The following ZNF469 variants were observed in gnomAD, a reference collection of about 807,000 sequenced individuals.
ZNF469 encodes the protein zinc finger protein 469.
Under a neutral mutation model 1.0 loss-of-function variants are expected in ZNF469, and 1 was observed. The observed-to-expected ratio is 1.00, with a 90% CI of 0.35 to 4.73. ZNF469 has a LOEUF of 4.73. Ranked by LOEUF, ZNF469 falls within the 30% of genes most tolerant of loss-of-function variation. The pLI, the probability that ZNF469 is intolerant of heterozygous loss-of-function variation, is 0.16. For synonymous variants in ZNF469, 2,703 were observed against 2,363.4 expected, an observed-to-expected ratio of 1.14 and a Z score of -4.17; for missense variants, 6,100 against 5,356.3, an observed-to-expected ratio of 1.14 and a Z score of -4.33.
the ZNF469 span, among the ~76,000 whole-genome samples, chr16:88,123,196 C>T: frequency 3.3e-5 from 5 of 152,160 alleles, no homozygotes; most frequent in Non-Finnish European, 5.9e-5. Context: ...TGCCCCAACC[C>T]GTCTGCTTTC....
At chr16:88,303,702 C>T in the ZNF469 span, among the ~76,000 whole-genome samples, 23 of 152,352 alleles carry the variant, frequency 1.5e-4, no homozygotes, top group East Asian at 4.2e-3. Context: ...AGCCATGAGC[C>T]TCTTACAGGC....
the ZNF469 span, chr16:88,194,410 A>C: frequency 6.6e-6 from 1 of 152,254 alleles, no homozygotes; most frequent in Non-Finnish European, 1.5e-5. Flanking sequence ...GTTTCTCTGC[A>C]CGCACCAGGC....
chr16:88,369,010 T>G, the ZNF469 span, among the ~76,000 whole-genome samples: 1 of 150,414 alleles, frequency 6.6e-6, no homozygotes, highest in Non-Finnish European at 1.5e-5. Context: ...ACCCAGGAGG[T>G]GGAGGTTGCA....
At chr16:88,395,399 A>G (rs919312049) in intron 1 of ZNF469, among the ~76,000 whole-genome samples, 1 of 139,222 alleles carries the variant, frequency 7.2e-6, no homozygotes, top group Admixed American at 6.9e-5. Context: ...GTAGGTAGGT[A>G]GATAGAAAGA....
the ZNF469 span, among the ~76,000 whole-genome samples, chr16:88,228,351 C>T: frequency 6.6e-6 from 1 of 152,228 alleles, no homozygotes; most frequent in Non-Finnish European, 1.5e-5. Context: ...CTGGCATGGG[C>T]GCTGGGTCTG....
In ZNF469 at chr16:88,439,293, T is replaced by C; in HGVS notation, c.11823T>C (p.Thr3941=). Residue 3941 remains threonine (T), a synonymous_variant, in exon 3 of 3, where the codon ACT becomes ACC. Transcript: ENST00000565624. ...GCCAGCTCTTCGGGCAGAGACTAAC[T>C]GGCTTCAAAATCCCTTTAAAGAAAG... ...LLSQLFGQRL[T]GFKIPLKKDA... 1 of 1,550,410 alleles carries C rather than the reference T, an allele frequency of 6.4e-7. No individual in the cohort carries two copies. The highest frequency in any genetic ancestry group is 8.7e-7 in the Non-Finnish European group (1 of 1,146,992).
the ZNF469 span, among the ~76,000 whole-genome samples, chr16:88,188,494 C>T: frequency 2.0e-5 from 3 of 152,156 alleles, no homozygotes; most frequent in African/African-American, 7.2e-5. Context: ...GGGCGAAGTG[C>T]AGCTCCTGGA....
At chr16:88,265,389 C>T in the ZNF469 span, among the ~76,000 whole-genome samples, 13 of 152,152 alleles carry the variant, frequency 8.5e-5, no homozygotes, top group Admixed American at 6.5e-4. Context: ...CCGAGGGCTG[C>T]GGGAGGTGCT....
intron 1 of ZNF469, among the ~76,000 whole-genome samples, chr16:88,395,683 C>T (rs1214064661): frequency 6.6e-6 from 1 of 152,094 alleles, no homozygotes; most frequent in Non-Finnish European, 1.5e-5. Flanking sequence ...CTAAATGCCT[C>T]ACTCAGGGCT....
the ZNF469 span, among the ~76,000 whole-genome samples, chr16:88,256,908 T>TCTCTCTCTCTCTCTCTCTCTC: frequency 3.9e-5 from 1 of 25,690 alleles, no homozygotes; most frequent in African/African-American, 1.6e-4. Flanking sequence ...CTTTCTTTCT[T>TCTCTCTCTCTCTCTCTCTCTC]TCTTTCTTTC....
rs1459194051 is a variant in ZNF469, at chr16:88,435,684, A to C, written c.8214A>C (p.Ala2738=). The change falls in exon 3 of 3, where the codon GCA becomes GCC. Residue 2738 remains alanine, a synonymous_variant. Transcript: ENST00000565624. ...RMLCPGRMDG[A]ALGEQPTGQK... ...TGTGTCCAGGGAGGATGGATGGTGC[A>C]GCTCTGGGGGAACAGCCAACTGGGC... The C allele has an allele frequency of 6.4e-7, 1 of 1,550,598 alleles. No homozygotes were observed. Among genetic ancestry groups the C allele is most frequent in the Non-Finnish European group, 8.7e-7 (1 of 1,146,990 alleles).
In ZNF469 at chr16:88,431,303, C is replaced by A. The variant is rs921207925; in HGVS notation, c.3833C>A (p.Pro1278His). The A allele has an allele frequency of 7.1e-6, 11 of 1,549,966 alleles. No homozygotes were observed. The highest frequency in any genetic ancestry group is 8.7e-6 in the Non-Finnish European group (10 of 1,146,846). The change falls in exon 3 of 3, where the codon CCC (proline) becomes CAC (histidine). Residue 1278 changes from proline (P) to histidine (H), a missense_variant. Transcript: ENST00000565624. ...PPPSRHDTGT[P>H]KPSGSLANTA... ...CCCAGCAGACATGACACCGGCACCC[C>A]CAAGCCGTCGGGAAGCCTCGCCAAC...
the ZNF469 span, among the ~76,000 whole-genome samples, chr16:88,294,052 A>C: frequency 6.6e-6 from 1 of 152,194 alleles, no homozygotes; most frequent in African/African-American, 2.4e-5. Context: ...TAGAGCCCCC[A>C]GTGCCTCAAG....
chr16:88,391,654 C>T (rs576837081), intron 1 of ZNF469, among the ~76,000 whole-genome samples: 13 of 152,306 alleles, frequency 8.5e-5, no homozygotes, highest in Non-Finnish European at 1.8e-4. Flanking sequence ...GGACAGGAGG[C>T]GGCGGGGAGC....
chr16:88,183,621 G>C, the ZNF469 span, among the ~76,000 whole-genome samples: 1 of 152,230 alleles, frequency 6.6e-6, no homozygotes, highest in Non-Finnish European at 1.5e-5. Context: ...TGGAGGCCGG[G>C]AAGGGGCCTG....
At chr16:88,245,064 T>G in the ZNF469 span, among the ~76,000 whole-genome samples, 1 of 152,000 alleles carries the variant, frequency 6.6e-6, no homozygotes, top group Non-Finnish European at 1.5e-5. Context: ...GGCAAAGGAA[T>G]TTTGTTTCCG....
the ZNF469 span, among the ~76,000 whole-genome samples, chr16:88,292,422 C>G: frequency 6.6e-6 from 1 of 152,148 alleles, no homozygotes; most frequent in Non-Finnish European, 1.5e-5. Context: ...AGGCCTCCAC[C>G]CTCCCATCTA....
chr16:88,106,930 C>A, the ZNF469 span, among the ~76,000 whole-genome samples: 1 of 152,372 alleles, frequency 6.6e-6, no homozygotes, highest in African/African-American at 2.4e-5. Context: ...TAGAAACAGA[C>A]CCCTCTAGAT....
the ZNF469 span, among the ~76,000 whole-genome samples, chr16:88,363,576 C>G: frequency 1.3e-5 from 2 of 152,230 alleles, no homozygotes; most frequent in African/African-American, 2.4e-5. Context: ...ATGTTGGTCT[C>G]TCCTATTTAA....
Sources: allele counts gnomAD v4.1 joint callset (sites outside exome capture counted in the v4.1 genomes callset), GRCh38; gene constraint gnomAD v4.1.1; transcripts MANE v1.5; gene names NCBI Gene and HGNC (gene_info 2026-07-23, HGNC 2026-07-21).